C1QTNF3: variants seen among roughly 807,000 people sequenced by gnomAD.
C1QTNF3 encodes the protein complement C1q tumor necrosis factor-related protein 3.
Under a neutral mutation model 32.6 loss-of-function variants are expected in C1QTNF3, and 26 were observed. The ratio of observed to expected loss-of-function variants is 0.80; its 90% confidence interval spans 0.58 to 1.11. The LOEUF is 1.11. C1QTNF3 is among the 50% of genes least tolerant of loss of function. The pLI is 0.00. For missense variants in C1QTNF3, 362 were observed against 398.2 expected (o/e 0.91, Z 0.77); for synonymous variants, 155 against 146.0 (o/e 1.06, Z -0.44).
the C1QTNF3 span, among the ~76,000 whole-genome samples, chr5:34,235,571 T>G: frequency 6.8e-6 from 1 of 147,974 alleles, no homozygotes; most frequent in African/African-American, 2.5e-5. Flanking sequence ...TTTTTGCCTG[T>G]GTTTATCTAT....
chr5:34,230,004 G>A, the C1QTNF3 span, among the ~76,000 whole-genome samples: 2 of 152,154 alleles, frequency 1.3e-5, no homozygotes, highest in African/African-American at 4.8e-5. Flanking sequence ...AACACAGAGA[G>A]AAGGAGGCCA....
intron 1 of C1QTNF3, among the ~76,000 whole-genome samples, chr5:34,038,385 G>T (rs557666388): frequency 5.3e-5 from 8 of 152,152 alleles, no homozygotes; most frequent in African/African-American, 1.9e-4. Context: ...TCTGAACTTA[G>T]GTGTTTTAAG....
the C1QTNF3 span, among the ~76,000 whole-genome samples, chr5:34,057,912 A>G: frequency 6.6e-6 from 1 of 152,206 alleles, no homozygotes; most frequent in Non-Finnish European, 1.5e-5. Flanking sequence ...TGTTCGTGCC[A>G]TGCCATTAAC....
At chr5:34,210,263 G>A in the C1QTNF3 span, among the ~76,000 whole-genome samples, 1 of 151,946 alleles carries the variant, frequency 6.6e-6, no homozygotes, top group Non-Finnish European at 1.5e-5. Context: ...AGTAGCTGGA[G>A]AAAGAAAAAG....
In C1QTNF3 at chr5:34,017,967, A is replaced by G. The variant is rs1754235769; in HGVS notation, c.*2616T>C. ...AACAGGAAAGTTAAATAAATTATGCAGTCATTAAAATTATGTTTTCAAATT... is the reference window on the plus strand; with the variant it reads ...AACAGGAAAGTTAAATAAATTATGCGGTCATTAAAATTATGTTTTCAAATT... On this transcript the variant is annotated 3_prime_UTR_variant, in exon 6 of 6. Coordinates refer to ENST00000382065, the MANE Select transcript of C1QTNF3 (RefSeq NM_181435.6). 6.6e-6 allele frequency among the ~76,000 whole-genome samples: 1 copy of G among 152,012 alleles called. No homozygotes were observed. Among genetic ancestry groups the G allele is most frequent in the Admixed American group, 6.6e-5 (1 of 15,232 alleles).
chr5:34,085,134 G>A, the C1QTNF3 span, among the ~76,000 whole-genome samples: 1 of 148,914 alleles, frequency 6.7e-6, no homozygotes, highest in East Asian at 1.9e-4. Context: ...GGGACTACAG[G>A]CGCCTGCCAC....
the C1QTNF3 span, among the ~76,000 whole-genome samples, chr5:34,195,557 A>T: frequency 1.3e-5 from 2 of 152,184 alleles, no homozygotes; most frequent in Non-Finnish European, 2.9e-5. Context: ...AATTCATATG[A>T]TAGGCCGGGC....
chr5:34,158,505 G>C, the C1QTNF3 span: 4 of 152,094 alleles, frequency 2.6e-5, no homozygotes, highest in African/African-American at 9.7e-5. Flanking sequence ...TGGAATTAGT[G>C]TCTATATTTC....
At chr5:34,123,331 T>C in the C1QTNF3 span, among the ~76,000 whole-genome samples, 3 of 152,274 alleles carry the variant, frequency 2.0e-5, 1 homozygote, top group African/African-American at 7.2e-5. Context: ...CCTGTGTGTA[T>C]ATGAATGCAC....
At chr5:34,030,443 G>C (rs1309572899) in intron 3 of C1QTNF3, among the ~76,000 whole-genome samples, 1 of 152,176 alleles carries the variant, frequency 6.6e-6, no homozygotes. Flanking sequence ...CTTGGCAATT[G>C]AGTAATTAGT....
the C1QTNF3 span, among the ~76,000 whole-genome samples, chr5:34,131,556 A>G: frequency 2.0e-5 from 3 of 152,192 alleles, no homozygotes; most frequent in East Asian, 1.9e-4. Flanking sequence ...GTTCTCACTC[A>G]TATGTGGAAA....
the C1QTNF3 span, among the ~76,000 whole-genome samples, chr5:34,083,224 T>G: frequency 6.6e-6 from 1 of 151,516 alleles, no homozygotes; most frequent in Non-Finnish European, 1.5e-5. Flanking sequence ...TAATGAATAT[T>G]TAAAGTGTTT....
chr5:34,117,443 T>A, the C1QTNF3 span, among the ~76,000 whole-genome samples: 1 of 152,158 alleles, frequency 6.6e-6, no homozygotes, highest in Non-Finnish European at 1.5e-5. Context: ...CCATAGGTGT[T>A]ACAACCCCAA....
At chr5:34,044,676 G>A (rs935183224), upstream of C1QTNF3, among the ~76,000 whole-genome samples, 1 of 152,172 alleles carries the variant, frequency 6.6e-6, no homozygotes, top group Non-Finnish European at 1.5e-5. Context: ...GGGACGGAGG[G>A]AGAGAGTTAC....
At chr5:34,213,529 C>T in the C1QTNF3 span, among the ~76,000 whole-genome samples, 1 of 151,070 alleles carries the variant, frequency 6.6e-6, no homozygotes, top group Non-Finnish European at 1.5e-5. Context: ...GCAACTTACA[C>T]AACAGGATAC....
At chr5:34,137,685 C>T in the C1QTNF3 span, among the ~76,000 whole-genome samples, 1 of 152,204 alleles carries the variant, frequency 6.6e-6, no homozygotes, top group Non-Finnish European at 1.5e-5. Flanking sequence ...GACTTTATGA[C>T]TTTTGTTTTC....
rs540260918 is a variant in C1QTNF3 at position 34,018,863 on chromosome 5, A to G, written c.*1720T>C. Among the ~76,000 whole-genome samples the G allele has an allele frequency of 5.9e-5, 9 of 152,310 alleles. No individual in the cohort carries two copies. The highest frequency in any genetic ancestry group is 4.6e-4 in the Admixed American group (7 of 15,306). ...AATTTGCGGCTGGGTGCGGGGGCTC[A>G]CGCCTGTAATCCCAGCACTTTGGAA... On this transcript the variant is annotated 3_prime_UTR_variant, in exon 6 of 6. Transcript: ENST00000382065.
upstream of C1QTNF3, chr5:34,043,384 A>G (rs1362663946): frequency 8.1e-6 from 4 of 493,692 alleles, no homozygotes; most frequent in African/African-American, 7.7e-5. Flanking sequence ...GGCGAAATTC[A>G]TAAATGTCAC....
At chr5:34,213,809 A>ATT in the C1QTNF3 span, among the ~76,000 whole-genome samples, 1 of 4,940 alleles carries the variant, frequency 2.0e-4, no homozygotes, top group African/African-American at 3.9e-4. Context: ...ATATATATAT[A>ATT]TTTTTTTTTT....
Sources: allele counts gnomAD v4.1 joint callset (sites outside exome capture counted in the v4.1 genomes callset), GRCh38; gene constraint gnomAD v4.1.1; transcripts MANE v1.5; gene names NCBI Gene and HGNC (gene_info 2026-07-23, HGNC 2026-07-21).